The following NDUFAF4 variants were observed in gnomAD, a reference collection of about 807,000 sequenced individuals.
NDUFAF4 encodes NADH dehydrogenase [ubiquinone] 1 alpha subcomplex assembly factor 4.
A neutral mutation model predicts 15.6 loss-of-function variants in NDUFAF4; 10 were observed. The observed-to-expected ratio is 0.64, with a 90% CI of 0.40 to 1.09. The LOEUF (loss-of-function observed/expected upper bound fraction) is 1.09, where lower values mean the gene tolerates loss of function less well. NDUFAF4 is among the 50% of genes least tolerant of loss of function. The pLI, the probability that NDUFAF4 is intolerant of heterozygous loss-of-function variation, is 0.01. For missense variants in NDUFAF4, 203 were observed against 207.3 expected (o/e 0.98, Z 0.13); for synonymous variants, 77 against 73.3 (o/e 1.05, Z -0.26).
At chr6:96,892,204 T>C (rs1261181760) in intron 2 of NDUFAF4, among the ~76,000 whole-genome samples, 1 of 152,182 alleles carries the variant, frequency 6.6e-6, no homozygotes, top group Non-Finnish European at 1.5e-5. Flanking sequence ...CTTGAATGAA[T>C]TGAAATATTG....
intron 2 of NDUFAF4, among the ~76,000 whole-genome samples, chr6:96,892,439 T>C (rs1238647876): frequency 1.3e-5 from 2 of 152,304 alleles, no homozygotes; most frequent in East Asian, 3.9e-4. Flanking sequence ...TGGTCAAATA[T>C]AGAAATGCTA....
At chr6:96,897,555 C>G in intron 1 of NDUFAF4, 111 bp downstream of exon 1, 5 of 1,471,876 alleles carry the variant, frequency 3.4e-6, no homozygotes, top group East Asian at 2.5e-5. Flanking sequence ...CGAGCGGCTG[C>G]GGCCGAGCAG....
At chr6:96,897,051 C>T in intron 1 of NDUFAF4, 1 of 513,986 alleles carries the variant, frequency 1.9e-6, no homozygotes, top group Non-Finnish European at 3.5e-6. Flanking sequence ...CTCAGCCTCC[C>T]GACAAGCTGA....
In NDUFAF4 at chr6:96,889,730, C is replaced by T. The variant is rs1344818561; in HGVS notation, c.*1374G>A. 1 of 152,432 alleles carries T rather than the reference C, an allele frequency of 6.6e-6. No individual in the cohort carries two copies. Among genetic ancestry groups the T allele is most frequent in the Non-Finnish European group, 1.5e-5 (1 of 68,016 alleles). 9.4% of individuals were successfully genotyped at this position (152,432 alleles called of 1,614,324 possible). A position where few individuals can be genotyped will look rare whatever the true frequency, so the allele number is the denominator to read the frequency against. Reference sequence around the variant, plus strand: ...GGGCATCTCTGGGAAGTAGTGATGCCTATCTTCCCTCGGAAGCACTAATAA... The same window carrying T: ...GGGCATCTCTGGGAAGTAGTGATGCTTATCTTCCCTCGGAAGCACTAATAA... On this transcript the variant is annotated 3_prime_UTR_variant, in exon 3 of 3. Coordinates refer to ENST00000316149, the MANE Select transcript of NDUFAF4 (RefSeq NM_014165.4).
rs1032869147 is a variant in NDUFAF4, at chr6:96,890,265, T to C, written c.*839A>G. On this transcript the variant is annotated 3_prime_UTR_variant, in exon 3 of 3. Transcript: ENST00000316149. ...ACTAGCATTAACATCCGAAACTATA[T>C]GTAATCACCAAATTTCATCTACCAT... The C allele has an allele frequency of 1.3e-5, 2 of 152,162 alleles. No homozygotes were observed. Among genetic ancestry groups the C allele is most frequent in the African/African-American group, 4.8e-5 (2 of 41,442 alleles). The allele number at this position is 152,162 out of a possible 1,614,324, so 9.4% of individuals were successfully genotyped here.
chr6:96,892,266 T>C (rs1399284870), intron 2 of NDUFAF4, among the ~76,000 whole-genome samples: 1 of 152,144 alleles, frequency 6.6e-6, no homozygotes, highest in African/African-American at 2.4e-5. Flanking sequence ...TACACTCCAG[T>C]ATAAATAAAA....
chr6:96,894,503 A>T (rs1456696009), intron 2 of NDUFAF4, among the ~76,000 whole-genome samples: 2 of 152,336 alleles, frequency 1.3e-5, no homozygotes, highest in African/African-American at 4.8e-5. Flanking sequence ...CATGGATAAT[A>T]AGAATGAATC....
Position 96,893,285 on chromosome 6 carries a change from T to TC in NDUFAF4, c.241-1895dup, listed in dbSNP as rs537960052. On this transcript the variant is annotated intron_variant, in intron 2 of 2. Coordinates refer to ENST00000316149, the MANE Select transcript of NDUFAF4 (RefSeq NM_014165.4). ...TCTAATTAGATAAAATGCACTTTGT[T>TC]CCCCCGCCAGGCTACTTTCAAATCT... is the stretch of plus-strand genomic sequence containing the variant. Among the ~76,000 whole-genome samples the TC allele has an allele frequency of 6.3e-4, 96 of 152,256 alleles. 3 individuals carry two copies. The South Asian group carries it at 0.018, about 29-fold the overall frequency.
Position 96,893,125 on chromosome 6 carries a change from A to G in NDUFAF4, c.241-1734T>C, listed in dbSNP as rs770845980. ...TCTCCCTTACTCATTACACCAATCA[A>G]TGACCAAATCCTGTTGACACTGCAT... On this transcript the variant is annotated intron_variant, in intron 2 of 2. Transcript: ENST00000316149. Among the ~76,000 whole-genome samples the G allele has an allele frequency of 1.9e-4, 29 of 152,056 alleles. 1 individual carries two copies. The highest frequency in any genetic ancestry group is 3.1e-4 in the Non-Finnish European group (21 of 68,006).
intron 2 of NDUFAF4, among the ~76,000 whole-genome samples, chr6:96,892,551 G>A (rs1044161467): frequency 3.3e-5 from 5 of 152,042 alleles, no homozygotes; most frequent in African/African-American, 9.7e-5. Context: ...AATAATGCTT[G>A]CTATCTCTAA....
intron 2 of NDUFAF4, among the ~76,000 whole-genome samples, chr6:96,894,614 A>G (rs941593694): frequency 1.2e-4 from 19 of 152,186 alleles, no homozygotes; most frequent in African/African-American, 3.9e-4. Context: ...TATAGGGTTC[A>G]GTACTACGCT....
chr6:96,895,235 A>G (rs1450985562), intron 2 of NDUFAF4, among the ~76,000 whole-genome samples: 1 of 152,216 alleles, frequency 6.6e-6, no homozygotes, highest in Non-Finnish European at 1.5e-5. Flanking sequence ...GAAAATACAG[A>G]AGAGTTTATA....
chr6:96,896,437 A>T (rs1050657772), intron 2 of NDUFAF4, among the ~76,000 whole-genome samples: 5 of 152,248 alleles, frequency 3.3e-5, no homozygotes, highest in Non-Finnish European at 7.3e-5. Context: ...TTTGTCACTC[A>T]AATGACAACC....
At chr6:96,893,510 T>A (rs1160059058) in intron 2 of NDUFAF4, among the ~76,000 whole-genome samples, 2 of 152,080 alleles carry the variant, frequency 1.3e-5, no homozygotes, top group Admixed American at 6.6e-5. Flanking sequence ...CATCACACAC[T>A]CTTGTATCTT....
At chr6:96,897,572 G>A (rs2127975670) in intron 1 of NDUFAF4, 94 bp downstream of exon 1, 2 of 1,548,884 alleles carry the variant, frequency 1.3e-6, no homozygotes, top group African/African-American at 1.4e-5. Flanking sequence ...GCAGGCTGAC[G>A]CCGATCCCTC....
rs7772053 is a variant in NDUFAF4 at position 96,897,517 on chromosome 6, G to A, written c.136+149C>T. ...ACAGTCTCAATGTCACCGGCCTGGC[G>A]GCTCCCCCTTCCAACGCTCCGCCAA... is the stretch of plus-strand genomic sequence containing the variant. On this transcript the variant is annotated intron_variant, in intron 1 of 2. Coordinates refer to ENST00000316149, the MANE Select transcript of NDUFAF4 (RefSeq NM_014165.4). The A allele has an allele frequency of 7.1e-3, 8,352 of 1,173,956 alleles. 414 individuals carry two copies. The African/African-American group carries it at 0.11, about 15-fold the overall frequency. The allele number at this position is 1,173,956 out of a possible 1,614,324, so 72.7% of individuals were successfully genotyped here. A position where few individuals can be genotyped will look rare whatever the true frequency, so the allele number is the denominator to read the frequency against.
At chr6:96,895,688 G>GT (rs1046307818) in intron 2 of NDUFAF4, among the ~76,000 whole-genome samples, 14 of 152,130 alleles carry the variant, frequency 9.2e-5, no homozygotes, top group African/African-American at 3.4e-4. Flanking sequence ...TTAAAATGAC[G>GT]TAAGAACACA....
At chr6:96,896,152 C>A (rs9487472) in intron 2 of NDUFAF4, 4,160 of 155,508 alleles carry the variant, frequency 0.027, 187 homozygotes, top group African/African-American at 0.094. Flanking sequence ...ACATCATAGG[C>A]CCTGTGAAAA....
At chr6:96,897,036 C>T (rs374891187) in intron 1 of NDUFAF4, 189 bp from the exon 2 acceptor site, 10 of 533,168 alleles carry the variant, frequency 1.9e-5, no homozygotes, top group African/African-American at 1.7e-4. Flanking sequence ...GAGAGATTCT[C>T]CCACCTCAGC....
Sources: allele counts gnomAD v4.1 joint callset (sites outside exome capture counted in the v4.1 genomes callset), GRCh38; gene constraint gnomAD v4.1.1; transcripts MANE v1.5; gene names NCBI Gene and HGNC (gene_info 2026-07-23, HGNC 2026-07-21).